PCDHGB2: variants seen among roughly 807,000 people sequenced by gnomAD.
The protein encoded by PCDHGB2 is protocadherin gamma subfamily B, 2.
Under a neutral mutation model 59.3 loss-of-function variants are expected in PCDHGB2, and 55 were observed. That is an observed-to-expected ratio of 0.93 (90% CI 0.75 to 1.16). The LOEUF is 1.16. Among genes scored for constraint, PCDHGB2 ranks in the 50% most tolerant of loss-of-function variants. The probability of loss-of-function intolerance (pLI) is 0.00; values close to 1 mark genes in which losing one functional copy is unlikely to be tolerated. For synonymous variants in PCDHGB2, 516 were observed against 512.0 expected (o/e 1.01, Z -0.11); for missense variants, 1,228 against 1,198.5 (o/e 1.02, Z -0.36).
chr5:141,433,305 C>T, intron 1 of PCDHGB2: 1 of 931,032 alleles, frequency 1.1e-6, no homozygotes, highest in Non-Finnish European at 1.6e-6. Flanking sequence ...GCAATTATCC[C>T]ACCTTTGCCT....
chr5:141,393,170 A>G (rs746908655), intron 1 of PCDHGB2: 1 of 1,613,286 alleles, frequency 6.2e-7, no homozygotes, highest in South Asian at 1.1e-5. Context: ...TCTTTGGGGT[A>G]GAAATAGAAA....
At chr5:141,394,112 C>G (rs771784855) in intron 1 of PCDHGB2, 9 of 1,613,946 alleles carry the variant, frequency 5.6e-6, no homozygotes, top group African/African-American at 2.7e-5. Flanking sequence ...CACCTCTGTC[C>G]ACTGAAACTC....
chr5:141,458,404 G>A lies in PCDHGB2; in HGVS notation c.2422-36403G>A, dbSNP rs183963289. Among the ~76,000 whole-genome samples the A allele has an allele frequency of 4.6e-5, 7 of 152,218 alleles. No homozygotes were observed. The East Asian group carries it at 5.8e-4, about 13-fold the overall frequency. ...GGAAGACGCTCCCCCTTGCAGAGAC[G>A]GAGCGGGGGTTCCAAAGCTGAAAGA... On this transcript the variant is annotated intron_variant, in intron 1 of 3. Transcript: ENST00000522605.
Position 141,489,079 on chromosome 5 carries a change from C to CCCCA in PCDHGB2, c.2422-5727_2422-5726insCCAC. ...CTCCCCTCCCCCCTGCCCACCCCCGCCACTCGGTGACTAAGAACTGCTGCA... is the reference window on the plus strand; with the variant it reads ...CTCCCCTCCCCCCTGCCCACCCCCGCCCCACACTCGGTGACTAAGAACTGCTGCA... On this transcript the variant is annotated intron_variant, in intron 1 of 3. Transcript: ENST00000522605. This position sits in a 1 kb window ranked among gnomAD's most constrained non-coding sequence, Gnocchi z 4.5. The CCCCA allele has an allele frequency of 9.1e-6, 3 of 329,992 alleles. No homozygotes were observed. Among genetic ancestry groups the CCCCA allele is most frequent in the African/African-American group, 2.4e-5 (1 of 41,312 alleles). The allele number at this position is 329,992 out of a possible 1,614,324, so 20.4% of individuals were successfully genotyped here.
chr5:141,430,997 C>T, intron 1 of PCDHGB2: 1 of 1,613,926 alleles, frequency 6.2e-7, no homozygotes, highest in Non-Finnish European at 8.5e-7. Context: ...CCTGAATCCG[C>T]GCAGCGGCAG....
chr5:141,362,146 G>A lies in PCDHGB2; in HGVS notation c.2011G>A (p.Val671Ile), dbSNP rs1351583274. The A allele has an allele frequency of 9.9e-6, 16 of 1,613,938 alleles. No homozygotes were observed. The highest frequency in any genetic ancestry group is 1.4e-5 in the Non-Finnish European group (16 of 1,179,916). Reference sequence around the variant, plus strand: ...AATCTTCGCGGATAGCCTGCAAGAGGTATTGCCAGACCTCAGCGACCGCCG... The same window carrying A: ...AATCTTCGCGGATAGCCTGCAAGAGATATTGCCAGACCTCAGCGACCGCCG... ...HLIFADSLQE[V>I]LPDLSDRREP... The change falls in exon 1 of 4, where the codon GTA (valine) becomes ATA (isoleucine). Residue 671 changes from valine (V) to isoleucine (I), a missense_variant. Around this residue, in one of 3 missense-constraint regions of PCDHGB2, gnomAD observed 433 missense variants for 441.8 expected, o/e 0.98. Coordinates refer to ENST00000522605, the MANE Select transcript of PCDHGB2 (RefSeq NM_018923.3).
At chr5:141,394,802 C>G (rs773531449) in intron 1 of PCDHGB2, 1 of 1,613,810 alleles carries the variant, frequency 6.2e-7, no homozygotes, top group South Asian at 1.1e-5. Context: ...TCACCGTAGC[C>G]GTGGCTGACA....
At chr5:141,441,635 G>T in intron 1 of PCDHGB2, 1 of 226,720 alleles carries the variant, frequency 4.4e-6, no homozygotes, top group Non-Finnish European at 8.9e-6. Flanking sequence ...TGGAGCCACA[G>T]GCGCTGTGAT....
In PCDHGB2 at chr5:141,491,770, G is replaced by A; in HGVS notation, c.2422-3037G>A. 6.4e-7 allele frequency: 1 copy of A among 1,560,888 alleles called. No individual in the cohort carries two copies. Among genetic ancestry groups the A allele is most frequent in the Non-Finnish European group, 8.7e-7 (1 of 1,154,942 alleles). On this transcript the variant is annotated intron_variant, in intron 1 of 3. Coordinates refer to ENST00000522605, the MANE Select transcript of PCDHGB2 (RefSeq NM_018923.3). This position sits in a 1 kb window ranked among gnomAD's most constrained non-coding sequence, Gnocchi z 6.9. ...TGGAGAAGCCGCCCGTCCTCATAAG[G>A]GATTGAACTTGCATCCACTCCTCTC...
In PCDHGB2 at chr5:141,477,590, C is replaced by T. The variant is rs1465863595; in HGVS notation, c.2422-17217C>T. On this transcript the variant is annotated intron_variant, in intron 1 of 3. Coordinates refer to ENST00000522605, the MANE Select transcript of PCDHGB2 (RefSeq NM_018923.3). This position sits in a 1 kb window ranked among gnomAD's most constrained non-coding sequence, Gnocchi z 4.9. ...CCCCGACGCCCCGCAGAATGCTCGG[C>T]TTTCTTTCTTTCTCTTGGAGCAAGG... The T allele has an allele frequency of 1.2e-6, 2 of 1,614,122 alleles. No individual in the cohort carries two copies. Among genetic ancestry groups the T allele is most frequent in the South Asian group, 2.2e-5 (2 of 91,080 alleles).
rs541533867 is a variant in PCDHGB2 at position 141,415,164 on chromosome 5, G to T, written c.2421+52608G>T. 6.8e-6 allele frequency: 11 copies of T among 1,613,838 alleles called. No individual in the cohort carries two copies. The African/African-American group carries it at 1.3e-4, about 20-fold the overall frequency. Reference sequence around the variant, plus strand: ...AGCCCCCTCTCTCCGCCACTGTCACGCTCACCGTGGCCGTGGCCGACAGCA... The same window carrying T: ...AGCCCCCTCTCTCCGCCACTGTCACTCTCACCGTGGCCGTGGCCGACAGCA... On this transcript the variant is annotated intron_variant, in intron 1 of 3. Transcript: ENST00000522605.
intron 2 of PCDHGB2, among the ~76,000 whole-genome samples, chr5:141,497,540 CT>C (rs754207034): frequency 0.18 from 24,498 of 134,808 alleles, 2,020 homozygotes; most frequent in African/African-American, 0.21. Flanking sequence ...TGCAACAAAC[CT>C]TTTTTTTTTT....
intron 1 of PCDHGB2, chr5:141,398,612 T>C (rs756084003): frequency 2.5e-6 from 4 of 1,614,024 alleles, no homozygotes; most frequent in East Asian, 2.2e-5. Flanking sequence ...GATGCAGATA[T>C]TGGCTTAAAC....
intron 1 of PCDHGB2, chr5:141,403,227 G>T: frequency 1.9e-6 from 3 of 1,608,966 alleles, no homozygotes; most frequent in Non-Finnish European, 2.6e-6. Context: ...AGGATAGACC[G>T]GGAGGAGCTC....
intron 1 of PCDHGB2, chr5:141,484,904 C>A: frequency 2.5e-6 from 1 of 405,682 alleles, no homozygotes; most frequent in Non-Finnish European, 4.4e-6. Context: ...TCCAATGCTG[C>A]GACGCATTAA....
chr5:141,488,210 A>G (rs2099673009), intron 1 of PCDHGB2, among the ~76,000 whole-genome samples: 1 of 152,192 alleles, frequency 6.6e-6, no homozygotes, highest in Admixed American at 6.5e-5. Context: ...ACTCATATCA[A>G]GTCCCTACTG....
chr5:141,471,972 T>C (rs952480654), intron 1 of PCDHGB2, among the ~76,000 whole-genome samples: 1 of 152,212 alleles, frequency 6.6e-6, no homozygotes, highest in South Asian at 2.1e-4. Context: ...GTTGCATTAC[T>C]GTATAAATTT....
chr5:141,364,895 C>T lies in PCDHGB2; in HGVS notation c.2421+2339C>T, dbSNP rs200656228. The T allele has an allele frequency of 3.7e-6, 6 of 1,613,860 alleles. No homozygotes were observed. The African/African-American group carries it at 6.7e-5, about 18-fold the overall frequency. ...GGATGTGGTAAGCGGAACTGATGGA[C>T]AAAAGTATCCGGAGCTGGTGTTGGA... On this transcript the variant is annotated intron_variant, in intron 1 of 3. Coordinates refer to ENST00000522605, the MANE Select transcript of PCDHGB2 (RefSeq NM_018923.3).
chr5:141,481,900 C>T (rs949418188), intron 1 of PCDHGB2, among the ~76,000 whole-genome samples: 13 of 126,002 alleles, frequency 1.0e-4, no homozygotes, highest in African/African-American at 3.2e-4. Flanking sequence ...GGTGAAAGAG[C>T]GAAACTCCAT....
Sources: gnomAD v4.1 joint callset for allele counts (sites outside exome capture counted in the v4.1 genomes callset) on GRCh38, gnomAD v4.1.1 for gene constraint, gnomAD v4.1.1 regional missense constraint, Gnocchi (gnomAD v3.1) non-coding constraint, MANE v1.5 for transcripts, NCBI Gene and HGNC (gene_info 2026-07-23, HGNC 2026-07-21) for gene names.